Variants in AGBL1 observed in about 807,000 individuals in gnomAD.
The protein encoded by AGBL1 is AGBL carboxypeptidase 1.
A neutral mutation model predicts 118.9 loss-of-function variants in AGBL1; 130 were observed. The observed-to-expected ratio is 1.09, with a 90% CI of 0.95 to 1.26. AGBL1 has a LOEUF of 1.26. Among genes scored for constraint, AGBL1 ranks in the 50% most tolerant of loss-of-function variants. AGBL1 has a pLI of 0.00. For synonymous variants in AGBL1, 555 were observed against 478.9 expected (o/e 1.16, Z -2.08); for missense variants, 1,584 against 1,298.1 (o/e 1.22, Z -3.38).
chr15:86,787,621 T>C (rs745318850), intron 22 of AGBL1, among the ~76,000 whole-genome samples: 1 of 152,194 alleles, frequency 6.6e-6, no homozygotes, highest in African/African-American at 2.4e-5. Context: ...AATGTTCCTT[T>C]GTATACATAT....
rs911573962 is a variant in AGBL1, at chr15:86,908,508, AAACAAC to A, written c.*1227_*1232del. ...CGGCAACAGAGCAAGACTCTGTCTCAAACAACAACAACAACAACGACGACAAACCCA... is the reference window on the plus strand; with the variant it reads ...CGGCAACAGAGCAAGACTCTGTCTCAAACAACAACAACGACGACAAACCCA... On this transcript the variant is annotated 3_prime_UTR_variant, in exon 23 of 23. Coordinates refer to ENST00000614907, the MANE Select transcript of AGBL1 (RefSeq NM_001386094.1). 1 of 152,278 alleles carries A rather than the reference AAACAAC, an allele frequency of 6.6e-6. No homozygotes were observed. Among genetic ancestry groups the A allele is most frequent in the Non-Finnish European group, 1.5e-5 (1 of 68,082 alleles). 9.4% of individuals were successfully genotyped at this position (152,278 alleles called of 1,614,324 possible).
chr15:86,406,320 A>G (rs1438213377), intron 18 of AGBL1, among the ~76,000 whole-genome samples: 1 of 152,258 alleles, frequency 6.6e-6, no homozygotes, highest in Non-Finnish European at 1.5e-5. Flanking sequence ...ACAAGTGAAA[A>G]TAAGTGCAAA....
chr15:86,556,202 C>T (rs762515194), intron 21 of AGBL1: 1 of 1,604,158 alleles, frequency 6.2e-7, no homozygotes, highest in South Asian at 1.1e-5. Flanking sequence ...TTCAGGCCCT[C>T]ACCAACTCTC....
In AGBL1 at chr15:86,188,335, A is replaced by G. The variant is rs77862305; in HGVS notation, c.488+29309A>G. On this transcript the variant is annotated intron_variant, in intron 5 of 22. Transcript: ENST00000614907. ...GAATAAAAAGTTTCCCCCAGCTCTT[A>G]GATGTGAAAAAATGAGTTTGAAATC... 4.3e-4 allele frequency among the ~76,000 whole-genome samples: 66 copies of G among 152,230 alleles called. 3 individuals are homozygous for G. The East Asian group carries it at 0.01, about 24-fold the overall frequency.
intron 17 of AGBL1, among the ~76,000 whole-genome samples, chr15:86,367,878 A>G (rs1317893723): frequency 6.6e-6 from 1 of 152,186 alleles, no homozygotes; most frequent in Non-Finnish European, 1.5e-5. Flanking sequence ...AGGAAGACTT[A>G]AGTCAGTGGC....
chr15:86,637,357 T>G (rs2085114092), intron 21 of AGBL1, among the ~76,000 whole-genome samples: 1 of 152,026 alleles, frequency 6.6e-6, no homozygotes, highest in East Asian at 1.9e-4. Context: ...ATAACGTGGA[T>G]TGTTTCAGGC....
At chr15:86,768,393 C>G (rs1281890583) in intron 22 of AGBL1, among the ~76,000 whole-genome samples, 1 of 151,920 alleles carries the variant, frequency 6.6e-6, no homozygotes, top group Non-Finnish European at 1.5e-5. Context: ...CATGATCCAC[C>G]CAGTCTTTGA....
intron 17 of AGBL1, among the ~76,000 whole-genome samples, chr15:86,345,243 G>A (rs938939786): frequency 8.6e-5 from 13 of 151,814 alleles, no homozygotes; most frequent in East Asian, 7.7e-4. Context: ...GGAAAGTAAA[G>A]CTATAACTAT....
At chr15:86,986,457 T>C (rs143595829) in intron 23 of AGBL1, among the ~76,000 whole-genome samples, 89 of 152,348 alleles carry the variant, frequency 5.8e-4, no homozygotes, top group African/African-American at 2.0e-3. Context: ...TTTCAACTTA[T>C]TTCTTTTTCA....
At chr15:87,005,227 A>G (rs2081485933) in intron 24 of AGBL1, among the ~76,000 whole-genome samples, 1 of 152,108 alleles carries the variant, frequency 6.6e-6, no homozygotes, top group South Asian at 2.1e-4. Flanking sequence ...CTGAATTTGA[A>G]TGTTGGCCTG....
chr15:86,239,507 C>G (rs781426725), intron 6 of AGBL1, among the ~76,000 whole-genome samples: 13 of 152,146 alleles, frequency 8.5e-5, no homozygotes, highest in South Asian at 2.1e-4. Flanking sequence ...GCAGTTGATT[C>G]CACCTCTCTT....
chr15:86,451,743 C>T (rs543151996), intron 18 of AGBL1, among the ~76,000 whole-genome samples: 2 of 152,230 alleles, frequency 1.3e-5, no homozygotes, highest in South Asian at 4.1e-4. Context: ...CTCCCTTTTT[C>T]TCCAGGCCTT....
chr15:86,363,695 C>G (rs2080839016), intron 17 of AGBL1, among the ~76,000 whole-genome samples: 1 of 152,096 alleles, frequency 6.6e-6, no homozygotes, highest in Non-Finnish European at 1.5e-5. Flanking sequence ...GCAAATGGCT[C>G]TCAAATTCAT....
chr15:86,641,524 T>A (rs530039450), intron 21 of AGBL1, among the ~76,000 whole-genome samples: 69 of 152,282 alleles, frequency 4.5e-4, no homozygotes, highest in Non-Finnish European at 9.1e-4. Context: ...TTTGTGAGAA[T>A]CATTTTTCTC....
intron 23 of AGBL1, among the ~76,000 whole-genome samples, chr15:86,951,887 C>G (rs2141671696): frequency 6.6e-6 from 1 of 152,212 alleles, no homozygotes; most frequent in South Asian, 2.1e-4. Context: ...TATGAAATGA[C>G]TGTATATATG....
Position 86,827,398 on chromosome 15 carries a change from CATATATATATGTGT to C in AGBL1, c.3159-79678_3159-79665del, listed in dbSNP as rs2079033251. On this transcript the variant is annotated intron_variant, in intron 22 of 22. Coordinates refer to ENST00000614907, the MANE Select transcript of AGBL1 (RefSeq NM_001386094.1). ...ATATATATATACACATATATATATACATATATATATGTGTATATATATATATATATACACATATA... is the reference window on the plus strand; with the variant it reads ...ATATATATATACACATATATATATACATATATATATATATATACACATATA... Among the ~76,000 whole-genome samples, 12 of 3,578 alleles carry C rather than the reference CATATATATATGTGT, an allele frequency of 3.4e-3. 1 individual carries two copies. Among genetic ancestry groups the C allele is most frequent in the African/African-American group, 0.015 (12 of 820 alleles). 2.3% of individuals were successfully genotyped at this position (3,578 alleles called of 152,430 possible).
At chr15:86,083,991 G>A (rs1009995980) in intron 1 of AGBL1, among the ~76,000 whole-genome samples, 1 of 152,146 alleles carries the variant, frequency 6.6e-6, no homozygotes, top group Non-Finnish European at 1.5e-5. Flanking sequence ...TCCCTAGGAA[G>A]TTTGAGGCTT....
intron 1 of AGBL1, among the ~76,000 whole-genome samples, chr15:86,100,032 T>C (rs1896619074): frequency 6.6e-6 from 1 of 152,178 alleles, no homozygotes; most frequent in Admixed American, 6.5e-5. Context: ...AGAGGTTTTT[T>C]TTTTAATCAT....
At chr15:86,391,085 A>C (rs1156490219) in intron 17 of AGBL1, among the ~76,000 whole-genome samples, 1 of 151,936 alleles carries the variant, frequency 6.6e-6, no homozygotes, top group African/African-American at 2.4e-5. Flanking sequence ...ATTGCCTGCA[A>C]AGTGAAATGA....
Sources: gnomAD v4.1 joint callset for allele counts (sites outside exome capture counted in the v4.1 genomes callset) on GRCh38, gnomAD v4.1.1 for gene constraint, MANE v1.5 for transcripts, NCBI Gene and HGNC (gene_info 2026-07-23, HGNC 2026-07-21) for gene names.